Variants in ITPR1 observed in about 807,000 individuals in gnomAD.
ITPR1 encodes the protein inositol 1,4,5-trisphosphate receptor type 1, also known as inositol 1,4,5-trisphosphate-gated calcium channel ITPR1.
ITPR1 carries 96 observed loss-of-function variants against 318.4 expected under a neutral mutation model. The observed-to-expected ratio is 0.30, with a 90% confidence interval of 0.26 to 0.36. The LOEUF (loss-of-function observed/expected upper bound fraction) is 0.36, where lower values mean the gene tolerates loss of function less well. ITPR1 is among the 10% of genes least tolerant of loss of function. The pLI is 1.00. For synonymous variants in ITPR1, 1,312 were observed against 1,289.9 expected (o/e 1.02, Z -0.37); for missense variants, 2,440 against 3,460.2 (o/e 0.71, Z 7.40).
At chr3:4,724,649 T>C (rs1008062888) in intron 40 of ITPR1, among the ~76,000 whole-genome samples, 2 of 152,218 alleles carry the variant, frequency 1.3e-5, no homozygotes, top group South Asian at 4.1e-4. Context: ...ATCTCTTCTC[T>C]GCTCCAGGCA....
intron 4 of ITPR1, among the ~76,000 whole-genome samples, chr3:4,594,758 G>T (rs1236417484): frequency 1.3e-5 from 2 of 152,112 alleles, no homozygotes; most frequent in East Asian, 3.9e-4. Flanking sequence ...AGTGAGACCG[G>T]GAAATGTGTG....
At chr3:4,611,287 C>T (rs2092102678) in intron 4 of ITPR1, among the ~76,000 whole-genome samples, 1 of 147,460 alleles carries the variant, frequency 6.8e-6, no homozygotes, top group Non-Finnish European at 1.5e-5. Context: ...CAGCTGAGTG[C>T]AGTGGCTCAC....
chr3:4,558,634 T>C (rs1479754515), intron 4 of ITPR1, among the ~76,000 whole-genome samples: 3 of 152,146 alleles, frequency 2.0e-5, no homozygotes, highest in Non-Finnish European at 4.4e-5. Context: ...GAAATAGCAG[T>C]TTAATCTTTT....
intron 2 of ITPR1, among the ~76,000 whole-genome samples, chr3:4,504,634 TC>T (rs1470859908): frequency 2.6e-5 from 4 of 152,084 alleles, no homozygotes. Context: ...TGGCATTATG[TC>T]CAAGTCAAAA....
At chr3:4,843,076 T>TTG (rs2051477658) in intron 61 of ITPR1, among the ~76,000 whole-genome samples, 2 of 135,372 alleles carry the variant, frequency 1.5e-5, no homozygotes, top group African/African-American at 6.0e-5. Flanking sequence ...TTTGAGGGGT[T>TTG]TTTTTTTTTT....
chr3:4,672,392 G>T lies in ITPR1; in HGVS notation c.2205-744G>T, dbSNP rs573010894. On this transcript the variant is annotated intron_variant, in intron 20 of 61. Coordinates refer to ENST00000649015, the MANE Select transcript of ITPR1 (RefSeq NM_001378452.1). Reference sequence around the variant, plus strand: ...TTGCATTTCCCCGACATCTAATGAGGCTGAGAATGTCTTCAAATCATGATT... The same window carrying T: ...TTGCATTTCCCCGACATCTAATGAGTCTGAGAATGTCTTCAAATCATGATT... Among the ~76,000 whole-genome samples, 3 of 152,350 alleles carry T rather than the reference G, an allele frequency of 2.0e-5. No homozygotes were observed. The South Asian group carries it at 6.2e-4, about 32-fold the overall frequency.
chr3:4,752,363 T>C (rs2044600942), intron 44 of ITPR1, among the ~76,000 whole-genome samples: 1 of 152,184 alleles, frequency 6.6e-6, no homozygotes, highest in Non-Finnish European at 1.5e-5. Flanking sequence ...TGCAAGCTGC[T>C]GTGTCACTGG....
chr3:4,747,162 C>T (rs186411023), intron 44 of ITPR1, among the ~76,000 whole-genome samples: 31 of 152,280 alleles, frequency 2.0e-4, no homozygotes, highest in African/African-American at 7.5e-4. Context: ...CTCTTTTCTT[C>T]TTCTTTGTAA....
At chr3:4,695,968 A>T (rs187552883) in intron 33 of ITPR1, among the ~76,000 whole-genome samples, 1 of 152,324 alleles carries the variant, frequency 6.6e-6, no homozygotes, top group Admixed American at 6.5e-5. Context: ...GATGTGATAC[A>T]GTCCAGTTGT....
intron 44 of ITPR1, among the ~76,000 whole-genome samples, chr3:4,748,249 G>A (rs1405558103): frequency 6.6e-6 from 1 of 152,160 alleles, no homozygotes; most frequent in African/African-American, 2.4e-5. Flanking sequence ...AGTTACATGA[G>A]TACAATGTGA....
chr3:4,569,044 A>G (rs2087700955), intron 4 of ITPR1, among the ~76,000 whole-genome samples: 1 of 152,104 alleles, frequency 6.6e-6, no homozygotes, highest in African/African-American at 2.4e-5. Flanking sequence ...CACTCCATCC[A>G]TCACCTCCCA....
intron 4 of ITPR1, among the ~76,000 whole-genome samples, chr3:4,575,562 C>G (rs2088557972): frequency 6.6e-6 from 1 of 152,098 alleles, no homozygotes; most frequent in Non-Finnish European, 1.5e-5. Flanking sequence ...AGCTGAAACA[C>G]AAGACTGTGT....
At chr3:4,761,857 C>T (rs192378017) in intron 44 of ITPR1, among the ~76,000 whole-genome samples, 1 of 152,328 alleles carries the variant, frequency 6.6e-6, no homozygotes, top group East Asian at 1.9e-4. Flanking sequence ...CCAAGCCCTG[C>T]AAACGCATCA....
intron 44 of ITPR1, among the ~76,000 whole-genome samples, chr3:4,754,059 T>TGGG (rs1187668405): frequency 1.8e-5 from 2 of 113,644 alleles, no homozygotes; most frequent in African/African-American, 6.4e-5. Context: ...GGGGGGGGGG[T>TGGG]GGCAAGGATT....
Position 4,795,017 on chromosome 3 carries a change from C to T in ITPR1, c.6809-48C>T, listed in dbSNP as rs2047807012. ...AGGGCCACATTGCATTCCTGGCGTT[C>T]CGGCTTGGGGTCTCCAGCCTCACGC... On this transcript the variant is annotated intron_variant, in intron 52 of 61. Transcript: ENST00000649015. The T allele has an allele frequency of 1.3e-6, 2 of 1,516,990 alleles. 1 individual carries two copies. The highest frequency in any genetic ancestry group is 2.7e-5 in the South Asian group (2 of 74,806). The allele number at this position is 1,516,990 out of a possible 1,614,324, so 94.0% of individuals were successfully genotyped here.
chr3:4,702,990 G>A (rs1224781665), intron 36 of ITPR1, 40 bp downstream of exon 36: 1 of 1,597,728 alleles, frequency 6.3e-7, no homozygotes, highest in South Asian at 1.1e-5. Flanking sequence ...TGATGAAAAT[G>A]AATTGTCTGA....
chr3:4,496,062 GAAAC>G (rs2080538663), intron 2 of ITPR1, among the ~76,000 whole-genome samples: 2 of 152,258 alleles, frequency 1.3e-5, no homozygotes, highest in Non-Finnish European at 2.9e-5. Flanking sequence ...AGAGTAAAAA[GAAAC>G]AAAACCACAA....
At chr3:4,520,341 A>G (rs2082464164) in intron 3 of ITPR1, among the ~76,000 whole-genome samples, 1 of 152,134 alleles carries the variant, frequency 6.6e-6, no homozygotes, top group Non-Finnish European at 1.5e-5. Flanking sequence ...ATGTGAGCTT[A>G]TTTATTTGTA....
Position 4,783,795 on chromosome 3 carries a change from ATC to A in ITPR1, c.6511-17_6511-16del. The stretch of plus-strand genomic sequence containing the variant: ...TTGTGAAGAGACACCAACCTCCTGT[ATC>A]TCTGTCCCTGTATTCTAGTTGGCTC... On this transcript the variant is annotated intron_variant, in intron 50 of 61. Transcript: ENST00000649015. 2.6e-6 allele frequency: 4 copies of A among 1,554,686 alleles called. No individual in the cohort carries two copies. Among genetic ancestry groups the A allele is most frequent in the Non-Finnish European group, 3.5e-6 (4 of 1,138,928 alleles).
Sources: allele counts gnomAD v4.1 joint callset (sites outside exome capture counted in the v4.1 genomes callset), GRCh38; gene constraint gnomAD v4.1.1; transcripts MANE v1.5; gene names NCBI Gene and HGNC (gene_info 2026-07-23, HGNC 2026-07-21).